Variants in AP1S3 observed in about 807,000 individuals in gnomAD.
The protein encoded by AP1S3 is adaptor related protein complex 1 subunit sigma 3.
AP1S3 carries 10 observed loss-of-function variants against 20.9 expected under a neutral mutation model. The ratio of observed to expected loss-of-function variants is 0.48; its 90% CI spans 0.29 to 0.81. AP1S3 has a LOEUF of 0.81. Ranked by LOEUF, AP1S3 falls within the 30% of genes least tolerant of loss-of-function variation. AP1S3 has a pLI of 0.08. For synonymous variants in AP1S3, 41 were observed against 61.5 expected (o/e 0.67, Z 1.56); for missense variants, 154 against 183.8 (o/e 0.84, Z 0.94).
chr2:223,823,757 C>T (rs750520785), intron 1 of AP1S3, among the ~76,000 whole-genome samples: 15 of 152,166 alleles, frequency 9.9e-5, no homozygotes, highest in Non-Finnish European at 1.8e-4. Flanking sequence ...ATCACACACA[C>T]ACACAATTAC....
chr2:223,789,374 C>T (rs915543725), intron 1 of AP1S3, among the ~76,000 whole-genome samples: 7 of 151,934 alleles, frequency 4.6e-5, no homozygotes, highest in Non-Finnish European at 1.0e-4. Flanking sequence ...CTGGACCCCC[C>T]CCAAAAAAAT....
intron 1 of AP1S3, among the ~76,000 whole-genome samples, chr2:223,811,526 G>A (rs1012386677): frequency 2.7e-5 from 4 of 149,478 alleles, no homozygotes; most frequent in African/African-American, 9.9e-5. Context: ...CAGAGATCAT[G>A]CCACTGCACT....
rs181741812 is a variant in AP1S3 at position 223,823,213 on chromosome 2, A to G, written c.3+14235T>C. Among the ~76,000 whole-genome samples the G allele has an allele frequency of 7.9e-5, 12 of 152,322 alleles. No homozygotes were observed. The East Asian group carries it at 2.3e-3, about 29-fold the overall frequency. On this transcript the variant is annotated intron_variant, in intron 1 of 4. Transcript: ENST00000396654. Reference sequence around the variant, plus strand: ...CAAAAATATTAAAAATAGAACTCACATATGATCCAGCAATCCCACTACTGA... The same window carrying G: ...CAAAAATATTAAAAATAGAACTCACGTATGATCCAGCAATCCCACTACTGA...
intron 3 of AP1S3, among the ~76,000 whole-genome samples, chr2:223,774,279 C>T (rs9797993): frequency 0.65 from 98,706 of 151,402 alleles, 32,940 homozygotes; most frequent in East Asian, 0.81. Flanking sequence ...GCAGGAAGAT[C>T]GCTTGAACTC....
chr2:223,806,182 C>A (rs189583344), intron 1 of AP1S3, among the ~76,000 whole-genome samples: 95 of 152,200 alleles, frequency 6.2e-4, no homozygotes, highest in Non-Finnish European at 2.4e-4. Flanking sequence ...AAGCACCAAG[C>A]CCAAATAACA....
intron 1 of AP1S3, among the ~76,000 whole-genome samples, chr2:223,791,697 A>G (rs1458975004): frequency 6.6e-6 from 1 of 152,216 alleles, no homozygotes; most frequent in Non-Finnish European, 1.5e-5. Context: ...ATCAAGCAAG[A>G]GAAAGAAATA....
At position 223,758,569 on chromosome 2, in the gene AP1S3, CAACTTT is replaced by C. The variant is rs1343695261; in HGVS notation, c.*140_*145del. ...ACATAGTAATTATAAATATGTTAAA[CAACTTT>C]AACTTTGTTAGTTAACAAAGAATCC... On this transcript the variant is annotated 3_prime_UTR_variant, in exon 5 of 5. Coordinates refer to ENST00000396654, the MANE Select transcript of AP1S3 (RefSeq NM_001039569.2). 2.1e-5 allele frequency: 28 copies of C among 1,345,282 alleles called. No individual in the cohort carries two copies. The highest frequency in any genetic ancestry group is 4.5e-4 in the Middle Eastern group (2 of 4,468). The allele number at this position is 1,345,282 out of a possible 1,614,324, so 83.3% of individuals were successfully genotyped here.
Position 223,762,067 on chromosome 2 carries a change from G to C in AP1S3, c.429+3146C>G, listed in dbSNP as rs1224704796. ...GGCTCACTGCAACCTCCGCCCCCTGGGTTCAAGCGATTCTCCTGCCTCAGC... is the reference window on the plus strand; with the variant it reads ...GGCTCACTGCAACCTCCGCCCCCTGCGTTCAAGCGATTCTCCTGCCTCAGC... On this transcript the variant is annotated intron_variant, in intron 4 of 4. Coordinates refer to ENST00000396654, the MANE Select transcript of AP1S3 (RefSeq NM_001039569.2). 2.0e-5 allele frequency among the ~76,000 whole-genome samples: 3 copies of C among 151,832 alleles called. No homozygotes were observed. In the East Asian group the frequency reaches 5.8e-4, roughly 30 times the overall value.
At chr2:223,765,401 A>C in intron 3 of AP1S3, 51 bp from the exon 4 acceptor site, 3 of 1,562,424 alleles carry the variant, frequency 1.9e-6, no homozygotes, top group Non-Finnish European at 2.6e-6. Context: ...GTATCAGGGG[A>C]AACATCTGCC....
intron 1 of AP1S3, among the ~76,000 whole-genome samples, chr2:223,815,201 A>T (rs1365288248): frequency 6.6e-6 from 1 of 152,218 alleles, no homozygotes; most frequent in Non-Finnish European, 1.5e-5. Context: ...TGTGCCATAA[A>T]CCATGTTGGA....
At position 223,757,641 on chromosome 2, in the gene AP1S3, G is replaced by C. The variant is rs905840262; in HGVS notation, c.*1074C>G. ...ATCACTGTTAGGACCTGGTTATACA[G>C]AATTTTCATTCCAGGAAGCACAAAT... On this transcript the variant is annotated 3_prime_UTR_variant, in exon 5 of 5. Coordinates refer to ENST00000396654, the MANE Select transcript of AP1S3 (RefSeq NM_001039569.2). 3.1e-5 allele frequency: 31 copies of C among 985,226 alleles called. No homozygotes were observed. The highest frequency in any genetic ancestry group is 3.7e-5 in the Non-Finnish European group (31 of 829,938). 61.0% of individuals were successfully genotyped at this position (985,226 alleles called of 1,614,324 possible). A position where few individuals can be genotyped will look rare whatever the true frequency, so the allele number is the denominator to read the frequency against.
intron 1 of AP1S3, among the ~76,000 whole-genome samples, chr2:223,837,044 T>A (rs1692417788): frequency 6.6e-6 from 1 of 151,970 alleles, no homozygotes; most frequent in African/African-American, 2.4e-5. Flanking sequence ...ACTTTAGAAG[T>A]TCTCTTCATT....
In AP1S3 at chr2:223,827,029, G is replaced by A. The variant is rs904850487; in HGVS notation, c.3+10419C>T. 8.5e-5 allele frequency among the ~76,000 whole-genome samples: 13 copies of A among 152,070 alleles called. 1 individual carries two copies. Among genetic ancestry groups the A allele is most frequent in the Admixed American group, 8.5e-4 (13 of 15,258 alleles). On this transcript the variant is annotated intron_variant, in intron 1 of 4. Coordinates refer to ENST00000396654, the MANE Select transcript of AP1S3 (RefSeq NM_001039569.2). ...CAAAATTTTGTAAGAGGCGGGCAAT[G>A]GTATATCCATCATACCCTTTCAAAG...
At chr2:223,813,009 G>C (rs1385386300) in intron 1 of AP1S3, among the ~76,000 whole-genome samples, 1 of 151,932 alleles carries the variant, frequency 6.6e-6, no homozygotes, top group Non-Finnish European at 1.5e-5. Flanking sequence ...GCTCACTACA[G>C]CTTCCACCTC....
At chr2:223,796,542 CCTTT>C (rs1691341748) in intron 1 of AP1S3, among the ~76,000 whole-genome samples, 1 of 152,112 alleles carries the variant, frequency 6.6e-6, no homozygotes, top group Admixed American at 6.6e-5. Context: ...ATCTGGAGTT[CCTTT>C]CTTTTTCTCT....
chr2:223,793,920 A>AG (rs1691274945), intron 1 of AP1S3, among the ~76,000 whole-genome samples: 1 of 152,072 alleles, frequency 6.6e-6, no homozygotes, highest in South Asian at 2.1e-4. Context: ...CTGGGATTAC[A>AG]GGTGTGAGCC....
At chr2:223,795,189 C>T (rs770467421) in intron 1 of AP1S3, among the ~76,000 whole-genome samples, 8 of 151,944 alleles carry the variant, frequency 5.3e-5, no homozygotes, top group African/African-American at 1.5e-4. Context: ...GTAGAGGTTG[C>T]GATGAGCCGA....
In AP1S3 at chr2:223,837,490, A is replaced by G; in HGVS notation, c.-40T>C. ...CGCCTCCCCCGCCTTGCGAGCAAGG[A>G]GCGCTGGAGAAGCGAGGGCGAGAGG... On this transcript the variant is annotated 5_prime_UTR_variant, in exon 1 of 5. Coordinates refer to ENST00000396654, the MANE Select transcript of AP1S3 (RefSeq NM_001039569.2). The G allele has an allele frequency of 7.9e-7, 1 of 1,271,852 alleles. No homozygotes were observed. The highest frequency in any genetic ancestry group is 9.9e-7 in the Non-Finnish European group (1 of 1,005,042). The allele number at this position is 1,271,852 out of a possible 1,614,324, so 78.8% of individuals were successfully genotyped here.
At chr2:223,780,341 AGAGAGAGAGAGAGAGAGTGTGTGTGT>A (rs1690907437) in intron 1 of AP1S3, among the ~76,000 whole-genome samples, 2 of 121,794 alleles carry the variant, frequency 1.6e-5, no homozygotes, top group African/African-American at 7.0e-5. Flanking sequence ...AGAGAGAGAG[AGAGAGAGAGAGAGAGAGTGTGTGTGT>A]GTGTGTGTGT....
Sources: allele counts gnomAD v4.1 joint callset (sites outside exome capture counted in the v4.1 genomes callset), GRCh38; gene constraint gnomAD v4.1.1; transcripts MANE v1.5; gene names NCBI Gene and HGNC (gene_info 2026-07-23, HGNC 2026-07-21).